ROBO2: variants seen among roughly 807,000 people sequenced by gnomAD.
The protein encoded by ROBO2 is roundabout homolog 2.
In ROBO2, 53 loss-of-function variants were observed where a neutral mutation model predicts 160.8. The observed-to-expected ratio is 0.33, with a 90% CI of 0.26 to 0.41. ROBO2 has a LOEUF of 0.41. ROBO2 is among the 10% of genes least tolerant of loss of function. The pLI is 1.00. For missense variants in ROBO2, 1,577 were observed against 1,722.4 expected (o/e 0.92, Z 1.49); for synonymous variants, 664 against 611.7 (o/e 1.09, Z -1.26).
In ROBO2 at chr3:76,215,826, C is replaced by T. The variant is rs531357281; in HGVS notation, c.109+278224C>T. Among the ~76,000 whole-genome samples the T allele has an allele frequency of 4.8e-4, 73 of 152,186 alleles. 1 individual carries two copies. Among genetic ancestry groups the T allele is most frequent in the Non-Finnish European group, 8.5e-4 (58 of 68,020 alleles). ...TACAGAGAATGCCACAAAGATAATC[C>T]TCGAGAAGAACAGCTCCAAGACACA... On this transcript the variant is annotated intron_variant, in intron 2 of 26. Coordinates refer to the ROBO2 transcript ENST00000487694.
intron 2 of ROBO2, among the ~76,000 whole-genome samples, chr3:76,131,574 T>C (rs555804273): frequency 1.3e-5 from 2 of 152,086 alleles, no homozygotes; most frequent in South Asian, 2.1e-4. Context: ...TAAGGTTTTT[T>C]CCTTGGGCAG....
chr3:76,251,346 T>A (rs186175049), intron 2 of ROBO2, among the ~76,000 whole-genome samples: 64 of 152,042 alleles, frequency 4.2e-4, no homozygotes, highest in Middle Eastern at 3.4e-3. Context: ...AGGAAAGAGA[T>A]GAGTTGGTCT....
rs201325011 is a variant in ROBO2 at position 76,555,257 on chromosome 3, A to C, written c.110-542757A>C. ...TTTTTTAATAATAACATGTGCAGGG[A>C]TCATAAATTATCCAAAGTTAGAACT... On this transcript the variant is annotated intron_variant, in intron 2 of 26. Transcript: ENST00000487694. Among the ~76,000 whole-genome samples the C allele has an allele frequency of 2.6e-3, 397 of 151,916 alleles. 4 individuals are homozygous for C. In the East Asian group the frequency reaches 0.045, roughly 17 times the overall value.
chr3:75,998,331 A>T (rs1167725674), intron 2 of ROBO2, among the ~76,000 whole-genome samples: 1 of 152,132 alleles, frequency 6.6e-6, no homozygotes, highest in Admixed American at 6.5e-5. Flanking sequence ...CATCACCATA[A>T]CTCATATGAC....
intron 2 of ROBO2, among the ~76,000 whole-genome samples, chr3:76,684,794 T>G (rs2092648669): frequency 1.3e-5 from 2 of 152,184 alleles, no homozygotes; most frequent in Non-Finnish European, 2.9e-5. Context: ...CTTTCTGAAC[T>G]TTTGTCACTT....
At chr3:76,558,189 G>A (rs1045809664) in intron 2 of ROBO2, among the ~76,000 whole-genome samples, 1 of 152,078 alleles carries the variant, frequency 6.6e-6, no homozygotes, top group African/African-American at 2.4e-5. Flanking sequence ...ATATTCCCGT[G>A]TGAACTGAAA....
At chr3:76,222,570 G>A (rs557005335) in intron 2 of ROBO2, among the ~76,000 whole-genome samples, 4 of 151,036 alleles carry the variant, frequency 2.6e-5, no homozygotes, top group Non-Finnish European at 5.9e-5. Context: ...GGCACTGTCT[G>A]TGACCAATTA....
At chr3:76,224,097 C>A (rs1704140126) in intron 2 of ROBO2, among the ~76,000 whole-genome samples, 1 of 152,120 alleles carries the variant, frequency 6.6e-6, no homozygotes, top group African/African-American at 2.4e-5. Context: ...TCTAATAAGT[C>A]TCTTATTACA....
intron 2 of ROBO2, among the ~76,000 whole-genome samples, chr3:77,416,164 G>C (rs1018236232): frequency 4.6e-5 from 7 of 152,186 alleles, no homozygotes; most frequent in African/African-American, 1.7e-4. Flanking sequence ...GTGGCCCTTT[G>C]TGTGAGGGGG....
intron 2 of ROBO2, among the ~76,000 whole-genome samples, chr3:77,470,489 G>T (rs2083245613): frequency 6.6e-6 from 1 of 152,110 alleles, no homozygotes; most frequent in Non-Finnish European, 1.5e-5. Flanking sequence ...GAAACCCTGT[G>T]CTTACCTAAC....
intron 2 of ROBO2, among the ~76,000 whole-genome samples, chr3:76,176,301 C>T (rs2073228521): frequency 6.6e-6 from 1 of 151,986 alleles, no homozygotes; most frequent in Admixed American, 6.6e-5. Context: ...TGTGTGAAAA[C>T]CTCTGAGTAT....
chr3:77,594,065 A>T lies in ROBO2; in HGVS notation c.2684-1077A>T, dbSNP rs570268674. Among the ~76,000 whole-genome samples, 11 of 152,098 alleles carry T rather than the reference A, an allele frequency of 7.2e-5. 1 individual carries two copies. The highest frequency in any genetic ancestry group is 4.6e-4 in the Admixed American group (7 of 15,254). On this transcript the variant is annotated intron_variant, in intron 17 of 25. Coordinates refer to ENST00000461745, the Ensembl canonical transcript of ROBO2. ...TTTATTGCACTTTTGCAAGCTGTAC[A>T]CTTCTAAACACCATGTTTCTTTTTA...
At chr3:76,079,388 G>A (rs1370702934) in intron 2 of ROBO2, among the ~76,000 whole-genome samples, 8 of 151,684 alleles carry the variant, frequency 5.3e-5, no homozygotes, top group Non-Finnish European at 1.0e-4. Context: ...TTGTATGTGT[G>A]TATCAAAATA....
At chr3:77,548,796 AAGAG>A (rs150882628) in intron 7 of ROBO2, among the ~76,000 whole-genome samples, 1 of 150,212 alleles carries the variant, frequency 6.7e-6, no homozygotes, top group Non-Finnish European at 1.5e-5. Context: ...GTGGGAGAGA[AAGAG>A]AGAGAGAGAG....
At chr3:76,912,101 T>C (rs2076028209) in intron 2 of ROBO2, among the ~76,000 whole-genome samples, 1 of 152,208 alleles carries the variant, frequency 6.6e-6, no homozygotes, top group Non-Finnish European at 1.5e-5. Flanking sequence ...ACATTAGACA[T>C]AGGATCCCAT....
intron 2 of ROBO2, among the ~76,000 whole-genome samples, chr3:76,359,809 T>C (rs994828882): frequency 6.6e-6 from 1 of 152,066 alleles, no homozygotes; most frequent in Non-Finnish European, 1.5e-5. Flanking sequence ...TAGCTTTTTC[T>C]TGAGTGATTG....
At chr3:77,604,559 T>TTA (rs1024434982) in intron 20 of ROBO2, among the ~76,000 whole-genome samples, 1 of 152,162 alleles carries the variant, frequency 6.6e-6, no homozygotes, top group East Asian at 1.9e-4. Flanking sequence ...TGAGTGACAT[T>TTA]TATATATATC....
At chr3:77,433,510 A>ATATATATG (rs1365992507) in intron 2 of ROBO2, among the ~76,000 whole-genome samples, 2 of 129,128 alleles carry the variant, frequency 1.5e-5, no homozygotes, top group Non-Finnish European at 3.3e-5. Context: ...ATATATATAT[A>ATATATATG]TATATATATT....
chr3:76,778,606 T>G (rs1013971602), intron 2 of ROBO2, among the ~76,000 whole-genome samples: 1 of 151,120 alleles, frequency 6.6e-6, no homozygotes, highest in African/African-American at 2.4e-5. Context: ...AAATAAACCT[T>G]TATTTTATTA....
Sources: gnomAD v4.1 joint callset for allele counts (sites outside exome capture counted in the v4.1 genomes callset) on GRCh38, gnomAD v4.1.1 for gene constraint, MANE v1.5 for transcripts, NCBI Gene and HGNC (gene_info 2026-07-23, HGNC 2026-07-21) for gene names.